EYS: variants seen among roughly 807,000 people sequenced by gnomAD.
The protein encoded by EYS is protein eyes shut homolog.
A neutral mutation model predicts 282.1 loss-of-function variants in EYS; 250 were observed. The ratio of observed to expected loss-of-function variants is 0.89; its 90% CI spans 0.80 to 0.98. The LOEUF (loss-of-function observed/expected upper bound fraction) is 0.98, where lower values mean the gene tolerates loss of function less well. EYS is among the 50% of genes least tolerant of loss of function. The pLI, the probability that EYS is intolerant of heterozygous loss-of-function variation, is 0.00. For synonymous variants in EYS, 1,355 were observed against 1,282.9 expected, an observed-to-expected ratio of 1.06 and a Z score of -1.20; for missense variants, 4,016 against 3,709.0, an observed-to-expected ratio of 1.08 and a Z score of -2.15.
intron 29 of EYS, among the ~76,000 whole-genome samples, chr6:64,360,153 T>G (rs1771957218): frequency 1.3e-5 from 2 of 151,780 alleles, no homozygotes; most frequent in Admixed American, 1.3e-4. Context: ...GGAACTTTTA[T>G]TCTCATTATT....
At chr6:64,944,007 A>G (rs1053963739) in intron 15 of EYS, among the ~76,000 whole-genome samples, 9 of 152,240 alleles carry the variant, frequency 5.9e-5, no homozygotes, top group African/African-American at 1.4e-4. Context: ...TGGTAAAACA[A>G]CAACAATAAC....
At chr6:63,942,023 G>A (rs1562107179) in intron 35 of EYS, among the ~76,000 whole-genome samples, 3 of 152,148 alleles carry the variant, frequency 2.0e-5, no homozygotes, top group Admixed American at 6.5e-5. Flanking sequence ...TAAAGGTGTT[G>A]CAGTAGTCTA....
chr6:64,811,869 T>C (rs1322109976), intron 22 of EYS, among the ~76,000 whole-genome samples: 4 of 152,144 alleles, frequency 2.6e-5, no homozygotes, highest in Non-Finnish European at 4.4e-5. Flanking sequence ...CAACACTAAA[T>C]GGACTAAGAG....
intron 12 of EYS, among the ~76,000 whole-genome samples, chr6:65,142,667 A>G (rs79205376): frequency 0.028 from 4,293 of 152,004 alleles, 156 homozygotes; most frequent in African/African-American, 0.086. Flanking sequence ...TTAAAAAAAA[A>G]AAACTAATAA....
intron 19 of EYS, among the ~76,000 whole-genome samples, chr6:64,856,053 A>C (rs776655888): frequency 6.6e-6 from 1 of 152,180 alleles, no homozygotes; most frequent in Non-Finnish European, 1.5e-5. Context: ...AACAATTATG[A>C]ATAAACCTGC....
At chr6:64,439,384 T>G in intron 26 of EYS, 32 bp from the exon 27 acceptor site, 1 of 1,373,710 alleles carries the variant, frequency 7.3e-7, no homozygotes. Context: ...ACAATTTAGG[T>G]TGAAATAAAT....
At chr6:64,459,940 A>G (rs1468479619) in intron 26 of EYS, among the ~76,000 whole-genome samples, 2 of 140,562 alleles carry the variant, frequency 1.4e-5, no homozygotes, top group Non-Finnish European at 3.1e-5. Context: ...TGACCAAGTA[A>G]TATCCAGAAA....
intron 8 of EYS, among the ~76,000 whole-genome samples, chr6:65,382,637 G>A (rs1166368970): frequency 6.6e-6 from 1 of 151,886 alleles, no homozygotes. Context: ...CCCACAGTAG[G>A]CTGTCTGCAA....
chr6:65,507,068 A>G (rs988512663), intron 2 of EYS, among the ~76,000 whole-genome samples: 1 of 151,940 alleles, frequency 6.6e-6, no homozygotes, highest in Non-Finnish European at 1.5e-5. Flanking sequence ...TTTCTGACCT[A>G]TATTATTTCA....
intron 36 of EYS, among the ~76,000 whole-genome samples, chr6:63,858,085 T>A (rs756425005): frequency 6.6e-6 from 1 of 152,144 alleles, no homozygotes; most frequent in Non-Finnish European, 1.5e-5. Context: ...GGTCAGCCTG[T>A]TCAAAGAGCT....
intron 14 of EYS, among the ~76,000 whole-genome samples, chr6:64,988,315 A>T (rs1374648762): frequency 6.6e-6 from 1 of 151,572 alleles, no homozygotes; most frequent in Non-Finnish European, 1.5e-5. Flanking sequence ...GCAATCTCAC[A>T]GCAAGCCTTA....
intron 41 of EYS, chr6:63,744,543 T>C (rs1769162867): frequency 6.6e-6 from 1 of 152,438 alleles, no homozygotes; most frequent in Admixed American, 6.6e-5. Context: ...CTTTATGCAA[T>C]ACTGGTCAGA....
At chr6:64,256,556 C>T (rs1165429754) in intron 30 of EYS, among the ~76,000 whole-genome samples, 1 of 151,760 alleles carries the variant, frequency 6.6e-6, no homozygotes, top group Non-Finnish European at 1.5e-5. Flanking sequence ...TGCTAAGCTG[C>T]AGTGAAAAAA....
chr6:64,844,890 A>G (rs1269942566), intron 19 of EYS, among the ~76,000 whole-genome samples: 1 of 152,174 alleles, frequency 6.6e-6, no homozygotes, highest in African/African-American at 2.4e-5. Flanking sequence ...ATCCACCTCA[A>G]TTAATTTTTA....
Position 65,402,549 on chromosome 6 carries a change from TTGAA to T in EYS, c.1109_1112del (p.Ile370LysfsTer9), listed in dbSNP as rs1562154606. Reference sequence around the variant, plus strand: ...TCAAAGGAAATGACTCACATGATGTTTGAATGCTCTTACAAAGCAAATCTGTAAA... The same window carrying T: ...TCAAAGGAAATGACTCACATGATGTTTGCTCTTACAAAGCAAATCTGTAAA... On this transcript the variant is annotated frameshift_variant, in exon 7 of 43. Coordinates refer to ENST00000503581, the MANE Select transcript of EYS (RefSeq NM_001142800.2). LOFTEE classifies it high-confidence loss of function. 6.4e-7 allele frequency: 1 copy of T among 1,571,568 alleles called. No homozygotes were observed. Among genetic ancestry groups the T allele is most frequent in the East Asian group, 2.2e-5 (1 of 44,492 alleles).
intron 2 of EYS, among the ~76,000 whole-genome samples, chr6:65,588,370 G>A (rs573452325): frequency 2.6e-5 from 4 of 152,056 alleles, no homozygotes; most frequent in African/African-American, 4.8e-5. Context: ...ATCCTTAGAG[G>A]TATCTCCAGA....
intron 41 of EYS, among the ~76,000 whole-genome samples, chr6:63,737,350 T>C (rs1288385450): frequency 6.6e-6 from 1 of 152,058 alleles, no homozygotes; most frequent in Non-Finnish European, 1.5e-5. Context: ...GATAATCATG[T>C]GGTTTTTGTC....
At chr6:64,029,924 A>G (rs1409909108) in intron 33 of EYS, among the ~76,000 whole-genome samples, 1 of 152,178 alleles carries the variant, frequency 6.6e-6, no homozygotes, top group Non-Finnish European at 1.5e-5. Flanking sequence ...CCTCTGGGGG[A>G]GCCCCCATTA....
chr6:64,255,610 C>A (rs747835393), intron 30 of EYS, among the ~76,000 whole-genome samples: 4 of 151,912 alleles, frequency 2.6e-5, no homozygotes, highest in Non-Finnish European at 5.9e-5. Context: ...GGTGTTATTG[C>A]TGTTTTAATT....
Sources: allele counts gnomAD v4.1 joint callset (sites outside exome capture counted in the v4.1 genomes callset), GRCh38; gene constraint gnomAD v4.1.1; transcripts MANE v1.5; gene names NCBI Gene and HGNC (gene_info 2026-07-23, HGNC 2026-07-21).